MAD1L1: variants seen among roughly 807,000 people sequenced by gnomAD.
MAD1L1 encodes the protein mitotic spindle assembly checkpoint protein MAD1.
Under a neutral mutation model 96.9 loss-of-function variants are expected in MAD1L1, and 95 were observed. That is an observed-to-expected ratio of 0.98 (90% CI 0.83 to 1.16). The LOEUF (loss-of-function observed/expected upper bound fraction) is 1.16. Among genes scored for constraint, MAD1L1 ranks in the 50% most tolerant of loss-of-function variants. MAD1L1 has a pLI of 0.00. For synonymous variants in MAD1L1, 473 were observed against 396.6 expected (o/e 1.19, Z -2.29); for missense variants, 1,007 against 954.4 (o/e 1.06, Z -0.73).
chr7:2,036,874 C>T (rs991059936), intron 12 of MAD1L1, among the ~76,000 whole-genome samples: 4 of 152,162 alleles, frequency 2.6e-5, no homozygotes, highest in Non-Finnish European at 2.9e-5. Context: ...GGGAGGTGGT[C>T]AGCTAGATCC....
intron 10 of MAD1L1, among the ~76,000 whole-genome samples, chr7:2,190,702 T>TG (rs1791677754): frequency 6.6e-6 from 1 of 152,178 alleles, no homozygotes; most frequent in Admixed American, 6.5e-5. Context: ...CATGAGTAGA[T>TG]GTTCAACATC....
chr7:2,001,706 G>C (rs886664043), intron 14 of MAD1L1, among the ~76,000 whole-genome samples: 1 of 152,252 alleles, frequency 6.6e-6, no homozygotes, highest in Non-Finnish European at 1.5e-5. Flanking sequence ...CGGGACAGGG[G>C]TCCATGAAGC....
rs1224928046 is a variant in MAD1L1, at chr7:2,037,767, T to TCTCC, written c.1219-23129_1219-23126dup. ...GTCTGGCTGCTTCACTGACCAGCCA[T>TCTCC]CTCCCTCCCTCCCTCTCCTTGGGCC... On this transcript the variant is annotated intron_variant, in intron 12 of 18. Transcript: ENST00000265854. Among the ~76,000 whole-genome samples the TCTCC allele has an allele frequency of 8.5e-5, 13 of 152,138 alleles. 1 individual carries two copies. In the East Asian group the frequency reaches 2.1e-3, roughly 25 times the overall value.
chr7:2,088,433 T>C lies in MAD1L1; in HGVS notation c.1074-19095A>G, dbSNP rs1049948517. Among the ~76,000 whole-genome samples, 3 of 152,078 alleles carry C rather than the reference T, an allele frequency of 2.0e-5. No individual in the cohort carries two copies. Among genetic ancestry groups the C allele is most frequent in the South Asian group, 2.1e-4 (1 of 4,824 alleles). On this transcript the variant is annotated intron_variant, in intron 11 of 18. Coordinates refer to ENST00000265854, the MANE Select transcript of MAD1L1 (RefSeq NM_001013836.2). The surrounding 1 kb of genome is among the most constrained non-coding windows in gnomAD (Gnocchi z 4.4). ...GCCCCCGCCCCGCTCCGTCCCACCA[T>C]GGCAGTCTGAGCTCCACTGAACCCC...
At chr7:2,232,390 G>C (rs537786222) in intron 1 of MAD1L1, among the ~76,000 whole-genome samples, 4 of 152,356 alleles carry the variant, frequency 2.6e-5, no homozygotes, top group Admixed American at 1.3e-4. Flanking sequence ...GGGAAACCGG[G>C]CCCACACGCC....
intron 18 of MAD1L1, among the ~76,000 whole-genome samples, chr7:1,827,530 G>C (rs1478836664): frequency 1.0e-3 from 131 of 127,272 alleles, no homozygotes; most frequent in Middle Eastern, 4.3e-3. Flanking sequence ...TCCTGAGCCC[G>C]TCCCGGGTGT....
chr7:2,032,165 G>T (rs1464247962), intron 12 of MAD1L1, among the ~76,000 whole-genome samples: 1 of 152,218 alleles, frequency 6.6e-6, no homozygotes, highest in East Asian at 1.9e-4. Context: ...CCCAGTCCCT[G>T]TCCAGTGCCT....
At chr7:2,180,300 G>C (rs2128600552) in intron 10 of MAD1L1, among the ~76,000 whole-genome samples, 2 of 152,322 alleles carry the variant, frequency 1.3e-5, no homozygotes, top group Admixed American at 1.3e-4. Context: ...AAGGCAGAGT[G>C]GCCACCACCT....
At chr7:1,925,077 TA>T (rs1383753795) in intron 17 of MAD1L1, among the ~76,000 whole-genome samples, 1 of 152,152 alleles carries the variant, frequency 6.6e-6, no homozygotes, top group Non-Finnish European at 1.5e-5. Context: ...AAACTAATCA[TA>T]AAATGTACCT....
intron 14 of MAD1L1, among the ~76,000 whole-genome samples, chr7:1,990,107 C>G (rs376225495): frequency 6.6e-6 from 1 of 152,228 alleles, no homozygotes; most frequent in East Asian, 1.9e-4. Flanking sequence ...CGTCCACATG[C>G]GCGTGCACCC....
intron 15 of MAD1L1, among the ~76,000 whole-genome samples, chr7:1,974,296 G>C (rs1409238737): frequency 1.3e-5 from 2 of 152,214 alleles, no homozygotes; most frequent in Non-Finnish European, 2.9e-5. Context: ...AACCCACCCT[G>C]GCACAGGCAG....
chr7:2,094,412 C>T (rs903741319), intron 11 of MAD1L1, among the ~76,000 whole-genome samples: 1 of 152,216 alleles, frequency 6.6e-6, no homozygotes, highest in Admixed American at 6.5e-5. Flanking sequence ...GAGGCGCTAC[C>T]CTTCAAGTGA....
intron 12 of MAD1L1, among the ~76,000 whole-genome samples, chr7:2,052,710 G>A (rs903150257): frequency 2.0e-5 from 3 of 152,158 alleles, no homozygotes; most frequent in African/African-American, 7.2e-5. Flanking sequence ...TTTTATAAAG[G>A]GGTACACCAT....
chr7:1,900,217 A>C (rs1207935065), intron 17 of MAD1L1, among the ~76,000 whole-genome samples: 1 of 152,230 alleles, frequency 6.6e-6, no homozygotes, highest in South Asian at 2.1e-4. Context: ...AGGCTCACAG[A>C]GACTCGCTGC....
At chr7:2,009,391 G>A (rs916527562) in intron 13 of MAD1L1, among the ~76,000 whole-genome samples, 2 of 152,210 alleles carry the variant, frequency 1.3e-5, no homozygotes, top group Non-Finnish European at 2.9e-5. Context: ...CTGGAGCTAG[G>A]GGAAGGCAGC....
intron 18 of MAD1L1, among the ~76,000 whole-genome samples, chr7:1,880,437 C>T (rs1032188322): frequency 6.6e-6 from 1 of 152,158 alleles, no homozygotes; most frequent in Non-Finnish European, 1.5e-5. Context: ...AAGCTGGAGC[C>T]TCAGAAGGAA....
At chr7:1,936,311 C>T (rs1378389176) in intron 17 of MAD1L1, among the ~76,000 whole-genome samples, 3 of 152,244 alleles carry the variant, frequency 2.0e-5, no homozygotes, top group South Asian at 2.1e-4. Flanking sequence ...GCTCTCTGGA[C>T]GCCATGAAGC....
Position 1,884,111 on chromosome 7 carries a change from G to A in MAD1L1, c.1998+14089C>T, listed in dbSNP as rs984474294. Among the ~76,000 whole-genome samples the A allele has an allele frequency of 2.0e-5, 3 of 152,342 alleles. No homozygotes were observed. In the East Asian group the frequency reaches 5.8e-4, roughly 29 times the overall value. On this transcript the variant is annotated intron_variant, in intron 18 of 18. Coordinates refer to ENST00000265854, the MANE Select transcript of MAD1L1 (RefSeq NM_001013836.2). ...GCCAACAGGAGGCAGCACTGGGACC[G>A]CAAGCCAGAGTTGGCGGCTGGGCCA...
chr7:1,946,991 C>A (rs1046086277), intron 16 of MAD1L1, among the ~76,000 whole-genome samples: 1 of 152,218 alleles, frequency 6.6e-6, no homozygotes, highest in Non-Finnish European at 1.5e-5. Context: ...CATCTCTGTT[C>A]CCACTGTGAG....
Sources: allele counts gnomAD v4.1 joint callset (sites outside exome capture counted in the v4.1 genomes callset), GRCh38; gene constraint gnomAD v4.1.1; non-coding constraint Gnocchi (gnomAD v3.1); transcripts MANE v1.5; gene names NCBI Gene and HGNC (gene_info 2026-07-23, HGNC 2026-07-21).